DGKI: variants seen among roughly 807,000 people sequenced by gnomAD.
The protein encoded by DGKI is diacylglycerol kinase iota.
In DGKI, 55 loss-of-function variants were observed where a neutral mutation model predicts 147.5. The ratio of observed to expected loss-of-function variants is 0.37; its 90% CI spans 0.30 to 0.47. The LOEUF is 0.47. Ranked by LOEUF, DGKI falls within the 20% of genes least tolerant of loss-of-function variation. DGKI has a pLI of 1.00. For synonymous variants in DGKI, 469 were observed against 477.1 expected (o/e 0.98, Z 0.22); for missense variants, 1,007 against 1,323.8 (o/e 0.76, Z 3.71).
At chr7:137,557,734 A>G (rs552017048) in intron 19 of DGKI, among the ~76,000 whole-genome samples, 24 of 152,218 alleles carry the variant, frequency 1.6e-4, no homozygotes, top group African/African-American at 5.3e-4. Context: ...CTGTGGCTCC[A>G]ACTCAGACAG....
intron 1 of DGKI, among the ~76,000 whole-genome samples, chr7:137,784,582 CA>C (rs907335565): frequency 4.6e-5 from 7 of 152,134 alleles, no homozygotes; most frequent in African/African-American, 1.7e-4. Context: ...CGAAAATGAA[CA>C]AAGAAACAAT....
At chr7:137,416,250 T>C (rs1002406144) in intron 28 of DGKI, among the ~76,000 whole-genome samples, 2 of 152,162 alleles carry the variant, frequency 1.3e-5, no homozygotes, top group Admixed American at 6.5e-5. Flanking sequence ...GATCACTAAA[T>C]ATATAAGTTA....
intron 1 of DGKI, among the ~76,000 whole-genome samples, chr7:137,812,070 C>T (rs1226080648): frequency 6.6e-6 from 1 of 152,138 alleles, no homozygotes. Flanking sequence ...TGCTCAAAGT[C>T]CAACATCTCA....
chr7:137,453,863 G>T (rs1399131309), intron 27 of DGKI, among the ~76,000 whole-genome samples: 1 of 151,330 alleles, frequency 6.6e-6, no homozygotes, highest in African/African-American at 2.4e-5. Flanking sequence ...CAGTCTTTAA[G>T]ACTCACCTAC....
At chr7:137,484,987 AC>A (rs1815503266) in intron 23 of DGKI, among the ~76,000 whole-genome samples, 1 of 152,080 alleles carries the variant, frequency 6.6e-6, no homozygotes, top group African/African-American at 2.4e-5. Context: ...AAGTAGAAGG[AC>A]CAGCAGGAAA....
At chr7:137,697,298 A>G (rs1585382507) in intron 1 of DGKI, among the ~76,000 whole-genome samples, 1 of 152,170 alleles carries the variant, frequency 6.6e-6, no homozygotes, top group Non-Finnish European at 1.5e-5. Flanking sequence ...CCTTCCCATA[A>G]TAATGCTACC....
intron 23 of DGKI, among the ~76,000 whole-genome samples, chr7:137,482,637 A>G (rs1042095370): frequency 6.6e-6 from 1 of 151,954 alleles, no homozygotes; most frequent in African/African-American, 2.4e-5. Context: ...TCCTTTGATG[A>G]TCTTGGCCAA....
chr7:137,623,108 C>T (rs1319255181), intron 7 of DGKI, among the ~76,000 whole-genome samples: 1 of 152,184 alleles, frequency 6.6e-6, no homozygotes, highest in Non-Finnish European at 1.5e-5. Flanking sequence ...CGTTGCTTTG[C>T]TTCTAATGTT....
At chr7:137,397,997 T>C (rs1811614375) in intron 30 of DGKI, among the ~76,000 whole-genome samples, 1 of 152,202 alleles carries the variant, frequency 6.6e-6, no homozygotes, top group African/African-American at 2.4e-5. Flanking sequence ...CATGAATTAA[T>C]CCATTCAATC....
intron 1 of DGKI, among the ~76,000 whole-genome samples, chr7:137,824,669 G>A (rs1210985138): frequency 6.6e-6 from 1 of 152,040 alleles, no homozygotes; most frequent in Non-Finnish European, 1.5e-5. Flanking sequence ...CAGGTATTAA[G>A]CCTAGTGCCC....
intron 1 of DGKI, among the ~76,000 whole-genome samples, chr7:137,793,583 A>G (rs1014863719): frequency 6.6e-6 from 1 of 152,214 alleles, no homozygotes; most frequent in Non-Finnish European, 1.5e-5. Flanking sequence ...CTGGGATTAC[A>G]GGCTTGAGCC....
chr7:137,589,618 A>C (rs372616039), intron 12 of DGKI, among the ~76,000 whole-genome samples: 3 of 152,332 alleles, frequency 2.0e-5, no homozygotes, highest in South Asian at 4.1e-4. Context: ...AAACACAGTA[A>C]AAGTAGATAG....
intron 1 of DGKI, among the ~76,000 whole-genome samples, chr7:137,822,973 G>A (rs1038098154): frequency 4.6e-5 from 7 of 151,128 alleles, no homozygotes; most frequent in Non-Finnish European, 8.8e-5. Flanking sequence ...CAGAGGAATA[G>A]TTCAGTAGAT....
At chr7:137,665,636 T>G (rs1457908251) in intron 3 of DGKI, among the ~76,000 whole-genome samples, 1 of 152,156 alleles carries the variant, frequency 6.6e-6, no homozygotes, top group Non-Finnish European at 1.5e-5. Context: ...ACCTCAGATG[T>G]GCAGGTAGAT....
At chr7:137,746,516 C>T (rs1252802161) in intron 1 of DGKI, among the ~76,000 whole-genome samples, 1 of 152,146 alleles carries the variant, frequency 6.6e-6, no homozygotes, top group African/African-American at 2.4e-5. Flanking sequence ...ATGAATTTCC[C>T]ACTGGCAGCC....
At chr7:137,602,907 A>C (rs1820043853) in intron 10 of DGKI, among the ~76,000 whole-genome samples, 1 of 151,900 alleles carries the variant, frequency 6.6e-6, no homozygotes, top group East Asian at 1.9e-4. Context: ...AAAAAAAAAC[A>C]GCTTATATGC....
chr7:137,543,030 G>A (rs919221299), intron 20 of DGKI, among the ~76,000 whole-genome samples: 1 of 152,158 alleles, frequency 6.6e-6, no homozygotes, highest in Admixed American at 6.5e-5. Flanking sequence ...CATTTTGATG[G>A]GGGAAGAGCA....
At chr7:137,843,451 G>A in intron 1 of DGKI, 1 of 985,002 alleles carries the variant, frequency 1.0e-6, no homozygotes, top group South Asian at 4.7e-5. Context: ...ATTTGCTCTA[G>A]GGGTGCAGAT....
At chr7:137,747,440 C>A (rs376566348) in intron 1 of DGKI, among the ~76,000 whole-genome samples, 2 of 152,132 alleles carry the variant, frequency 1.3e-5, no homozygotes, top group Admixed American at 1.3e-4. Context: ...ACAGAAAATA[C>A]CCTCTCCATA....
Sources: gnomAD v4.1 joint callset for allele counts (sites outside exome capture counted in the v4.1 genomes callset) on GRCh38, gnomAD v4.1.1 for gene constraint, MANE v1.5 for transcripts, NCBI Gene and HGNC (gene_info 2026-07-23, HGNC 2026-07-21) for gene names.